TMEM178A: variants seen among roughly 807,000 people sequenced by gnomAD.
The protein encoded by TMEM178A is transmembrane protein 178A, also known as transmembrane protein 178.
TMEM178A carries 12 observed loss-of-function variants against 29.1 expected under a neutral mutation model. That is an observed-to-expected ratio of 0.41 (90% CI 0.26 to 0.67). The LOEUF (loss-of-function observed/expected upper bound fraction) is 0.67. Ranked by LOEUF, TMEM178A falls within the 30% of genes least tolerant of loss-of-function variation. The pLI is 0.29. For missense variants in TMEM178A, 366 were observed against 419.1 expected, an observed-to-expected ratio of 0.87 and a Z score of 1.11; for synonymous variants, 210 against 187.2, an observed-to-expected ratio of 1.12 and a Z score of -0.99.
intron 1 of TMEM178A, 74 bp from the exon 2 acceptor site, chr2:39,704,007 G>A: frequency 6.3e-6 from 8 of 1,273,588 alleles, no homozygotes; most frequent in Middle Eastern, 1.9e-4. Context: ...TTAGGTTACG[G>A]TATTCTGCCT....
intron 1 of TMEM178A, among the ~76,000 whole-genome samples, chr2:39,700,908 A>G (rs915404874): frequency 1.4e-4 from 22 of 151,906 alleles, no homozygotes; most frequent in African/African-American, 5.3e-4. Context: ...AGTTTGGATT[A>G]ATACCAATTG....
chr2:39,718,522 C>G (rs1433451566), downstream of TMEM178A, among the ~76,000 whole-genome samples: 1 of 152,242 alleles, frequency 6.6e-6, no homozygotes, highest in Non-Finnish European at 1.5e-5. Context: ...GTGGTTATCT[C>G]CTTAGCTACT....
At chr2:39,667,328 T>C (rs57113113) in intron 1 of TMEM178A, among the ~76,000 whole-genome samples, 8 of 129,654 alleles carry the variant, frequency 6.2e-5, no homozygotes, top group Non-Finnish European at 9.5e-5. Context: ...TGCTATCAGA[T>C]AGTTTGATTT....
intron 2 of TMEM178A, among the ~76,000 whole-genome samples, chr2:39,705,827 C>A (rs1672006446): frequency 6.6e-6 from 1 of 152,154 alleles, no homozygotes; most frequent in Admixed American, 6.5e-5. Flanking sequence ...GTGATCTGCA[C>A]CTTGTCTTGG....
the TMEM178A span, among the ~76,000 whole-genome samples, chr2:39,733,849 C>T: frequency 2.2e-4 from 33 of 152,150 alleles, no homozygotes; most frequent in East Asian, 5.8e-4. Flanking sequence ...TACCCGTAAT[C>T]GTGAACAAAT....
intron 1 of TMEM178A, among the ~76,000 whole-genome samples, chr2:39,668,329 C>T (rs1053061883): frequency 6.6e-6 from 1 of 152,192 alleles, no homozygotes. Context: ...TAGATTTTCC[C>T]AGTCACGAAT....
At chr2:39,685,276 C>T (rs895677475) in intron 1 of TMEM178A, among the ~76,000 whole-genome samples, 2 of 152,160 alleles carry the variant, frequency 1.3e-5, no homozygotes, top group African/African-American at 4.8e-5. Context: ...GTGAGCTGCT[C>T]TCTCACCACA....
chr2:39,706,536 A>G (rs1672042668), intron 2 of TMEM178A, among the ~76,000 whole-genome samples: 1 of 152,236 alleles, frequency 6.6e-6, no homozygotes, highest in African/African-American at 2.4e-5. Flanking sequence ...TGGTGATCAG[A>G]TAAAACCCTA....
At chr2:39,723,814 C>T in the TMEM178A span, among the ~76,000 whole-genome samples, 5 of 152,196 alleles carry the variant, frequency 3.3e-5, no homozygotes, top group Non-Finnish European at 7.3e-5. Context: ...ACAGCATCCA[C>T]GTCAACTACC....
the TMEM178A span, among the ~76,000 whole-genome samples, chr2:39,734,654 A>AACAAGATCTGCTAGTTTAGACTGTCTAG: frequency 2.0e-5 from 3 of 152,218 alleles, no homozygotes. Context: ...AGCAAGTCTA[A>AACAAGATCTGCTAGTTTAGACTGTCTAG]ACAAGATCTG....
rs928591236 is a variant in TMEM178A, at chr2:39,717,570, T to A, written c.*319T>A. The A allele has an allele frequency of 9.6e-5, 22 of 228,216 alleles. No homozygotes were observed. In the East Asian group the frequency reaches 1.9e-3, roughly 20 times the overall value. 14.1% of individuals were successfully genotyped at this position (228,216 alleles called of 1,614,324 possible). A position where few individuals can be genotyped will look rare whatever the true frequency, so the allele number is the denominator to read the frequency against. ...TTCCATTTATTTCAGAAAGTTTGTA[T>A]GTAACAATTACCCGAGAGTCATTTC... On this transcript the variant is annotated 3_prime_UTR_variant, in exon 4 of 4. Transcript: ENST00000281961.
chr2:39,732,764 T>C, the TMEM178A span, among the ~76,000 whole-genome samples: 3 of 152,106 alleles, frequency 2.0e-5, no homozygotes, highest in African/African-American at 7.2e-5. Flanking sequence ...TCTAAGGGCA[T>C]TAGGGAGCTG....
chr2:39,666,526 C>A, intron 1 of TMEM178A, 152 bp downstream of exon 1: 1 of 465,514 alleles, frequency 2.1e-6, no homozygotes, highest in Non-Finnish European at 3.1e-6. Context: ...CAGTCTTTAT[C>A]TCTTCCCTTT....
the TMEM178A span, among the ~76,000 whole-genome samples, chr2:39,725,182 C>T: frequency 6.6e-6 from 1 of 152,128 alleles, no homozygotes; most frequent in African/African-American, 2.4e-5. Flanking sequence ...CATGTAGAGC[C>T]ATGCGGGGTG....
At chr2:39,704,975 G>C (rs1436376143) in intron 2 of TMEM178A, among the ~76,000 whole-genome samples, 3 of 152,172 alleles carry the variant, frequency 2.0e-5, no homozygotes, top group African/African-American at 4.8e-5. Context: ...GGATTAAAAG[G>C]CTCTGTTCTG....
At chr2:39,676,266 G>C (rs1033120644) in intron 1 of TMEM178A, among the ~76,000 whole-genome samples, 1 of 152,194 alleles carries the variant, frequency 6.6e-6, no homozygotes, top group Non-Finnish European at 1.5e-5. Flanking sequence ...GTATTATCTT[G>C]TGTAACAGGA....
Position 39,704,090 on chromosome 2 carries a change from A to G in TMEM178A, c.410A>G (p.Gln137Arg), listed in dbSNP as rs371811326. 30 of 1,614,036 alleles carry G rather than the reference A, an allele frequency of 1.9e-5. No homozygotes were observed. The highest frequency in any genetic ancestry group is 2.3e-5 in the Non-Finnish European group (27 of 1,180,006). Residue 137 changes from glutamine (Q) to arginine (R), a missense_variant, in exon 2 of 4, where the codon CAG becomes CGG. Transcript: ENST00000281961. ...IDTLILKGIA[Q>R]RCTAIKYHFS... ...TCTTATTTCCTTCAAGGTATTGCGC[A>G]GCGATGCACGGCCATCAAGTACCAC... is the stretch of plus-strand genomic sequence containing the variant.
rs561697411 is a variant in TMEM178A at position 39,695,725 on chromosome 2, G to C, written c.401-8356G>C. Among the ~76,000 whole-genome samples, 28 of 152,052 alleles carry C rather than the reference G, an allele frequency of 1.8e-4. No individual in the cohort carries two copies. The East Asian group carries it at 5.4e-3, about 29-fold the overall frequency. Reference sequence around the variant, plus strand: ...TGGTAGGGGTCTAGAGTCTGAATTCGATTCAGGGGGAACCCAATTGTATGT... The same window carrying C: ...TGGTAGGGGTCTAGAGTCTGAATTCCATTCAGGGGGAACCCAATTGTATGT... On this transcript the variant is annotated intron_variant, in intron 1 of 3. Coordinates refer to ENST00000281961, the MANE Select transcript of TMEM178A (RefSeq NM_152390.3).
chr2:39,711,865 A>G (rs982522455), intron 3 of TMEM178A, among the ~76,000 whole-genome samples: 6 of 152,154 alleles, frequency 3.9e-5, no homozygotes, highest in African/African-American at 1.2e-4. Context: ...CTGGGGTGGC[A>G]TCTTGAAATC....
Sources: gnomAD v4.1 joint callset for allele counts (sites outside exome capture counted in the v4.1 genomes callset) on GRCh38, gnomAD v4.1.1 for gene constraint, MANE v1.5 for transcripts, NCBI Gene and HGNC (gene_info 2026-07-23, HGNC 2026-07-21) for gene names.